The following HERC1 variants were observed in gnomAD, a reference collection of about 807,000 sequenced individuals.
The protein encoded by HERC1 is probable E3 ubiquitin-protein ligase HERC1.
Under a neutral mutation model 554.3 loss-of-function variants are expected in HERC1, and 160 were observed. The ratio of observed to expected loss-of-function variants is 0.29; its 90% CI spans 0.25 to 0.33. HERC1 has a LOEUF of 0.33. Ranked by LOEUF, HERC1 falls within the 10% of genes least tolerant of loss-of-function variation. The probability of loss-of-function intolerance (pLI) is 1.00; values close to 1 mark genes in which losing one functional copy is unlikely to be tolerated. For missense variants in HERC1, 4,919 were observed against 5,918.5 expected, an observed-to-expected ratio of 0.83 and a Z score of 5.54; for synonymous variants, 2,175 against 2,131.7, an observed-to-expected ratio of 1.02 and a Z score of -0.56.
In HERC1 at chr15:63,638,435, A is replaced by G. The variant is rs768058845; in HGVS notation, c.12069T>C (p.Ala4023=). The change falls in exon 63 of 78, where the codon GCT becomes GCC. Residue 4023 remains alanine, a synonymous_variant. Coordinates refer to ENST00000443617, the MANE Select transcript of HERC1 (RefSeq NM_003922.4). ...CCTGTTGGGCCTGTGAGAATGAGGG[A>G]GCTGCTGCAGGTACCATTACATTTC... The part of the protein sequence containing the change: ...AGRNVMVPAA[A]PSFSQAQQVI... 1 of 1,613,794 alleles carries G rather than the reference A, an allele frequency of 6.2e-7. No individual in the cohort carries two copies. Among genetic ancestry groups the G allele is most frequent in the Non-Finnish European group, 8.5e-7 (1 of 1,179,766 alleles).
intron 51 of HERC1, 23 bp from the exon 52 acceptor site, chr15:63,652,564 T>G: frequency 6.5e-7 from 1 of 1,528,588 alleles, no homozygotes; most frequent in Non-Finnish European, 8.9e-7. Context: ...AAACAGGTAG[T>G]CTAATAATTT....
In HERC1 at chr15:63,636,018, G is replaced by T. The variant is rs376591272; in HGVS notation, c.12357C>A (p.Ser4119Arg). 2 of 1,613,814 alleles carry T rather than the reference G, an allele frequency of 1.2e-6. No individual in the cohort carries two copies. The highest frequency in any genetic ancestry group is 1.7e-5 in the Admixed American group (1 of 60,014). Residue 4119 changes from serine to arginine, a missense_variant, in exon 65 of 78, where the codon AGC (serine) becomes AGA (arginine). Around this residue, in one of 11 missense-constraint regions of HERC1, gnomAD observed 122 missense variants for 195.2 expected, o/e 0.63. Coordinates refer to ENST00000443617, the MANE Select transcript of HERC1 (RefSeq NM_003922.4). Reference protein sequence around the residue: ...GDYGKLGHGNSDRQRRPRQIE... With the variant: ...GDYGKLGHGNRDRQRRPRQIE... ...TCTGCCTGGGCCGCCGCTGCCTGTC[G>T]CTGTTCCCATGGCCAAGTTTACCAT...
At chr15:63,760,879 A>G (rs771064982) in intron 3 of HERC1, among the ~76,000 whole-genome samples, 2 of 152,174 alleles carry the variant, frequency 1.3e-5, no homozygotes, top group African/African-American at 4.8e-5. Flanking sequence ...GACATATTCT[A>G]TAGTAAAATT....
intron 23 of HERC1, 28 bp downstream of exon 23, chr15:63,713,325 C>G (rs755856112): frequency 1.3e-6 from 2 of 1,577,954 alleles, no homozygotes; most frequent in South Asian, 1.1e-5. Context: ...GTGAGTAGGT[C>G]ATGTTTTCAG....
rs761710568 is a variant in HERC1, at chr15:63,698,622, A to G, written c.4905+106T>C. The G allele has an allele frequency of 1.4e-5, 15 of 1,087,356 alleles. No homozygotes were observed. In the South Asian group the frequency reaches 1.9e-4, roughly 14 times the overall value. The allele number at this position is 1,087,356 out of a possible 1,614,324, so 67.4% of individuals were successfully genotyped here. On this transcript the variant is annotated intron_variant, in intron 26 of 77. Transcript: ENST00000443617. ...AAAAGCTCAGGTACAGGAAAGGGGA[A>G]GGCAAGGAATAGAAGAAAAGGAAAG...
At chr15:63,742,078 T>C (rs890749874) in intron 12 of HERC1, among the ~76,000 whole-genome samples, 6 of 152,372 alleles carry the variant, frequency 3.9e-5, no homozygotes, top group Non-Finnish European at 5.9e-5. Context: ...ATTTGCAAAG[T>C]ATTGACATCT....
At chr15:63,624,044 T>C (rs1330741907) in intron 72 of HERC1, 114 bp downstream of exon 72, 2 of 1,233,894 alleles carry the variant, frequency 1.6e-6, no homozygotes, top group Admixed American at 2.0e-5. Flanking sequence ...ATGTAAGTAC[T>C]ATTACTATCT....
intron 59 of HERC1, among the ~76,000 whole-genome samples, chr15:63,642,159 C>T (rs747289459): frequency 1.3e-5 from 2 of 152,168 alleles, no homozygotes; most frequent in Non-Finnish European, 2.9e-5. Flanking sequence ...CACATCGGCT[C>T]TAATCTTTAA....
At chr15:63,675,269 A>G in intron 37 of HERC1, 152 bp from the exon 38 acceptor site, 1 of 579,396 alleles carries the variant, frequency 1.7e-6, no homozygotes, top group African/African-American at 1.9e-5. Context: ...AAACACAGAG[A>G]AAAACGAGTC....
intron 1 of HERC1, among the ~76,000 whole-genome samples, chr15:63,816,830 A>G (rs1352456509): frequency 6.6e-6 from 1 of 152,276 alleles, no homozygotes; most frequent in Non-Finnish European, 1.5e-5. Flanking sequence ...AAGGAATAAT[A>G]GAATTTCACA....
intron 1 of HERC1, among the ~76,000 whole-genome samples, chr15:63,789,078 GTTTTTTTTTTTTT>G (rs71131178): frequency 8.4e-5 from 7 of 83,614 alleles, no homozygotes; most frequent in East Asian, 7.6e-4. Flanking sequence ...GGAATAAAAG[GTTTTTTTTTTTTT>G]TTTTTTTTTT....
At chr15:63,753,215 T>G in intron 7 of HERC1, 130 bp from the exon 8 acceptor site, 2 of 567,030 alleles carry the variant, frequency 3.5e-6, no homozygotes, top group Non-Finnish European at 5.5e-6. Context: ...GCTATGTTTC[T>G]GATAGCTGAG....
At chr15:63,807,789 T>A (rs1360990826) in intron 1 of HERC1, among the ~76,000 whole-genome samples, 1 of 152,150 alleles carries the variant, frequency 6.6e-6, no homozygotes, top group African/African-American at 2.4e-5. Context: ...CAATCCTACC[T>A]TTGTGCCCCC....
rs548927565 is a variant in HERC1, at chr15:63,644,755, C to CTAT, written c.11184+234_11184+236dup. 1.8e-4 allele frequency among the ~76,000 whole-genome samples: 27 copies of CTAT among 152,300 alleles called. No homozygotes were observed. The South Asian group carries it at 5.6e-3, about 32-fold the overall frequency. ...CTATCTGTAGTATCAATTATATCCA[C>CTAT]TATCACAGTAACAGTCACCACTTAA... On this transcript the variant is annotated intron_variant, in intron 57 of 77. Transcript: ENST00000443617.
intron 46 of HERC1, 65 bp from the exon 47 acceptor site, chr15:63,660,001 G>A (rs2070266035): frequency 7.8e-7 from 1 of 1,283,380 alleles, no homozygotes; most frequent in South Asian, 1.3e-5. Flanking sequence ...TGCTGGCAAT[G>A]GTTGTTCTGA....
Position 63,677,161 on chromosome 15 carries a change from T to C in HERC1, c.7070+684A>G, listed in dbSNP as rs2152988213. 6.6e-6 allele frequency among the ~76,000 whole-genome samples: 1 copy of C among 152,324 alleles called. No homozygotes were observed. The highest frequency in any genetic ancestry group is 1.5e-5 in the Non-Finnish European group (1 of 68,022). On this transcript the variant is annotated intron_variant, in intron 37 of 77. Coordinates refer to ENST00000443617, the MANE Select transcript of HERC1 (RefSeq NM_003922.4). This position sits in a 1 kb window ranked among gnomAD's most constrained non-coding sequence, Gnocchi z 4.4. ...ACCAACATGATGCTCAATGGAAATA[T>C]TCATTGGAGCACTTTGGATTTTGGA...
chr15:63,672,357 G>A (rs2070976834), intron 39 of HERC1, 139 bp downstream of exon 39: 4 of 601,444 alleles, frequency 6.7e-6, no homozygotes, highest in South Asian at 6.6e-5. Context: ...AGTAAAATGA[G>A]CTTGACTATA....
At chr15:63,813,950 T>C (rs897604602) in intron 1 of HERC1, among the ~76,000 whole-genome samples, 1 of 152,012 alleles carries the variant, frequency 6.6e-6, no homozygotes, top group East Asian at 1.9e-4. Context: ...TCCCAGCTAC[T>C]TGGGAGGCTG....
intron 43 of HERC1, among the ~76,000 whole-genome samples, chr15:63,663,708 C>T (rs1328242088): frequency 6.6e-6 from 1 of 152,172 alleles, no homozygotes; most frequent in African/African-American, 2.4e-5. Flanking sequence ...ATTTCTCCTG[C>T]CTCCACCTCC....
Sources: allele counts gnomAD v4.1 joint callset (sites outside exome capture counted in the v4.1 genomes callset), GRCh38; gene constraint gnomAD v4.1.1; regional missense constraint gnomAD v4.1.1; non-coding constraint Gnocchi (gnomAD v3.1); transcripts MANE v1.5; gene names NCBI Gene and HGNC (gene_info 2026-07-23, HGNC 2026-07-21).